Variants in TRERF1 observed in about 807,000 individuals in gnomAD.
TRERF1 encodes transcriptional-regulating factor 1.
A neutral mutation model predicts 122.9 loss-of-function variants in TRERF1; 27 were observed. The observed-to-expected ratio is 0.22, with a 90% CI of 0.16 to 0.30. The LOEUF is 0.30. Among genes scored for constraint, TRERF1 ranks in the 10% least tolerant of loss-of-function variants. The pLI is 1.00. For missense variants in TRERF1, 1,248 were observed against 1,560.3 expected, an observed-to-expected ratio of 0.80 and a Z score of 3.37; for synonymous variants, 636 against 641.7, an observed-to-expected ratio of 0.99 and a Z score of 0.13.
chr6:42,329,076 G>C (rs1764786897), intron 3 of TRERF1, among the ~76,000 whole-genome samples: 1 of 152,064 alleles, frequency 6.6e-6, no homozygotes, highest in South Asian at 2.1e-4. Flanking sequence ...ATCACAGTGA[G>C]GACAAGACAA....
At chr6:42,229,579 C>T (rs932426888) in intron 17 of TRERF1, among the ~76,000 whole-genome samples, 15 of 152,296 alleles carry the variant, frequency 9.8e-5, no homozygotes, top group South Asian at 6.2e-4. Flanking sequence ...CTCTGTGTGG[C>T]CAAATTCAGT....
intron 2 of TRERF1, among the ~76,000 whole-genome samples, chr6:42,396,560 A>G (rs1413655645): frequency 6.6e-6 from 1 of 152,242 alleles, no homozygotes; most frequent in Non-Finnish European, 1.5e-5. Flanking sequence ...TTGTAACAGT[A>G]TGGCTGATGC....
At chr6:42,294,335 C>A (rs959234353) in intron 4 of TRERF1, among the ~76,000 whole-genome samples, 1 of 151,848 alleles carries the variant, frequency 6.6e-6, no homozygotes, top group Non-Finnish European at 1.5e-5. Context: ...TGCGCCACCA[C>A]GCCCGGCTAA....
At chr6:42,387,742 G>A (rs547919709) in intron 2 of TRERF1, among the ~76,000 whole-genome samples, 4 of 152,216 alleles carry the variant, frequency 2.6e-5, no homozygotes, top group African/African-American at 9.6e-5. Context: ...GTTCACATTC[G>A]GGGCCACATT....
chr6:42,256,679 G>C, intron 12 of TRERF1, 49 bp downstream of exon 12: 1 of 1,551,800 alleles, frequency 6.4e-7, no homozygotes, highest in Non-Finnish European at 8.9e-7. Context: ...TGAAACTTGG[G>C]AAAATACTCT....
chr6:42,379,085 A>C (rs1581889698), intron 2 of TRERF1, among the ~76,000 whole-genome samples: 1 of 152,072 alleles, frequency 6.6e-6, no homozygotes, highest in Non-Finnish European at 1.5e-5. Flanking sequence ...GCACCACTGC[A>C]CTCCAGCCTG....
chr6:42,422,022 T>C (rs1782842645), intron 2 of TRERF1, among the ~76,000 whole-genome samples: 1 of 149,780 alleles, frequency 6.7e-6, no homozygotes. Flanking sequence ...ACAAAAAAAA[T>C]TAGCCAGGCG....
At chr6:42,372,678 C>T (rs1484187964) in intron 2 of TRERF1, among the ~76,000 whole-genome samples, 2 of 152,334 alleles carry the variant, frequency 1.3e-5, no homozygotes, top group Non-Finnish European at 1.5e-5. Context: ...GGCAGAGAAT[C>T]GCCTGCCACT....
chr6:42,371,053 G>A (rs1773671623), intron 2 of TRERF1, among the ~76,000 whole-genome samples: 1 of 152,196 alleles, frequency 6.6e-6, no homozygotes, highest in African/African-American at 2.4e-5. Flanking sequence ...TTTAGATGGA[G>A]TGCAAACGGT....
At chr6:42,258,446 A>G (rs1777158669) in intron 9 of TRERF1, among the ~76,000 whole-genome samples, 1 of 152,202 alleles carries the variant, frequency 6.6e-6, no homozygotes, top group South Asian at 2.1e-4. Context: ...AAGCGGTATG[A>G]TTTCTATGCA....
At chr6:42,413,873 G>A (rs1381479331) in intron 2 of TRERF1, among the ~76,000 whole-genome samples, 1 of 152,098 alleles carries the variant, frequency 6.6e-6, no homozygotes, top group African/African-American at 2.4e-5. Context: ...GAAAATACAA[G>A]TAACAAGAAT....
At chr6:42,386,138 C>T (rs942097227) in intron 2 of TRERF1, among the ~76,000 whole-genome samples, 1 of 152,204 alleles carries the variant, frequency 6.6e-6, no homozygotes, top group African/African-American at 2.4e-5. Context: ...GGCGAATCAC[C>T]TGAGGTTGGG....
intron 2 of TRERF1, among the ~76,000 whole-genome samples, chr6:42,416,076 T>A (rs192695468): frequency 6.6e-6 from 1 of 152,252 alleles, no homozygotes; most frequent in Non-Finnish European, 1.5e-5. Context: ...CTTATACAAG[T>A]GGGATTTTTT....
intron 4 of TRERF1, among the ~76,000 whole-genome samples, chr6:42,280,291 T>G (rs950525836): frequency 1.3e-5 from 2 of 152,290 alleles, no homozygotes; most frequent in South Asian, 4.1e-4. Flanking sequence ...CTGGAGGCCT[T>G]CCAGCAGGAC....
chr6:42,323,780 A>G (rs537063458), intron 3 of TRERF1, among the ~76,000 whole-genome samples: 1 of 152,286 alleles, frequency 6.6e-6, no homozygotes, highest in African/African-American at 2.4e-5. Context: ...GGTTGAGTGG[A>G]ATTAGACAGG....
rs776216648 is a variant in TRERF1, at chr6:42,442,268, T to TA, written c.-454+8908dup. Among the ~76,000 whole-genome samples the TA allele has an allele frequency of 8.5e-3, 1,248 of 146,160 alleles. 14 individuals carry two copies. The highest frequency in any genetic ancestry group is 0.027 in the African/African-American group (1,079 of 40,016). On this transcript the variant is annotated intron_variant, in intron 2 of 17. Coordinates refer to ENST00000372922, the Ensembl canonical transcript of TRERF1. ...AACTCCAGCTTTTTTTCTTTTCCTTTAAAAAAAAAAAATCTTTCAAAGGAG... is the reference window on the plus strand; with the variant it reads ...AACTCCAGCTTTTTTTCTTTTCCTTTAAAAAAAAAAAAATCTTTCAAAGGAG...
At chr6:42,311,808 T>C (rs1761717004) in intron 3 of TRERF1, among the ~76,000 whole-genome samples, 1 of 147,886 alleles carries the variant, frequency 6.8e-6, no homozygotes, top group South Asian at 2.1e-4. Context: ...TGGAGGGTTG[T>C]GAGCAGAGGA....
intron 4 of TRERF1, among the ~76,000 whole-genome samples, chr6:42,287,288 A>G (rs1783425315): frequency 6.8e-6 from 1 of 147,578 alleles, no homozygotes. Flanking sequence ...AACTTAAAGT[A>G]TAATAAAAAA....
intron 2 of TRERF1, among the ~76,000 whole-genome samples, chr6:42,416,211 T>C (rs1781814545): frequency 1.3e-5 from 2 of 152,198 alleles, no homozygotes; most frequent in Admixed American, 1.3e-4. Flanking sequence ...CTTTTCCTTC[T>C]AGGTTTTATA....
Sources: gnomAD v4.1 joint callset for allele counts (sites outside exome capture counted in the v4.1 genomes callset) on GRCh38, gnomAD v4.1.1 for gene constraint, MANE v1.5 for transcripts, NCBI Gene and HGNC (gene_info 2026-07-23, HGNC 2026-07-21) for gene names.